PLXDC2: variants seen among roughly 807,000 people sequenced by gnomAD.
The protein encoded by PLXDC2 is plexin domain containing 2.
A neutral mutation model predicts 68.9 loss-of-function variants in PLXDC2; 40 were observed. The observed-to-expected ratio is 0.58, with a 90% CI of 0.45 to 0.76. The LOEUF is 0.76. Ranked by LOEUF, PLXDC2 falls within the 30% of genes least tolerant of loss-of-function variation. The pLI is 0.00. For missense variants in PLXDC2, 644 were observed against 661.9 expected, an observed-to-expected ratio of 0.97 and a Z score of 0.30; for synonymous variants, 243 against 234.2, an observed-to-expected ratio of 1.04 and a Z score of -0.34.
intron 1 of PLXDC2, among the ~76,000 whole-genome samples, chr10:19,970,267 T>G (rs1241109451): frequency 2.0e-5 from 3 of 152,266 alleles, no homozygotes; most frequent in African/African-American, 7.2e-5. Flanking sequence ...ACAAAAACTT[T>G]CTGGTCATCA....
chr10:20,124,099 A>G lies in PLXDC2; in HGVS notation c.542-19196A>G, dbSNP rs1232618306. On this transcript the variant is annotated intron_variant, in intron 4 of 13. Coordinates refer to ENST00000377252, the MANE Select transcript of PLXDC2 (RefSeq NM_032812.9). ...AGAAAAGCGGAACTTGCCGCTAAGG[A>G]TGAAGGACAAAGGCAGGTGTCCCTG... Among the ~76,000 whole-genome samples the G allele has an allele frequency of 1.6e-4, 25 of 152,024 alleles. 1 individual carries two copies. The highest frequency in any genetic ancestry group is 1.6e-3 in the Admixed American group (25 of 15,258).
chr10:20,134,710 G>T (rs1833912664), intron 4 of PLXDC2, among the ~76,000 whole-genome samples: 1 of 152,156 alleles, frequency 6.6e-6, no homozygotes. Flanking sequence ...AAACTACTTT[G>T]TACCGGGTGC....
chr10:19,906,001 A>G (rs929287742), intron 1 of PLXDC2, among the ~76,000 whole-genome samples: 10 of 152,040 alleles, frequency 6.6e-5, no homozygotes, highest in African/African-American at 2.4e-4. Flanking sequence ...AATAGTGGAA[A>G]AAAAAAAACA....
chr10:20,124,799 A>G (rs1014378454), intron 4 of PLXDC2, among the ~76,000 whole-genome samples: 3 of 151,064 alleles, frequency 2.0e-5, no homozygotes, highest in Non-Finnish European at 2.9e-5. Flanking sequence ...CATTGTCATC[A>G]GTTAAGGCAG....
chr10:19,854,677 T>G (rs182142248), intron 1 of PLXDC2, among the ~76,000 whole-genome samples: 1 of 152,354 alleles, frequency 6.6e-6, no homozygotes, highest in East Asian at 1.9e-4. Flanking sequence ...TGTCTTTTAG[T>G]TGCAATTCCA....
chr10:19,976,646 A>G (rs1834461024), intron 1 of PLXDC2, among the ~76,000 whole-genome samples: 1 of 152,174 alleles, frequency 6.6e-6, no homozygotes. Flanking sequence ...CTTTCATTGC[A>G]GAGCACCCAA....
At chr10:20,021,703 T>TTATTTATTTATTTATC (rs1835312866) in intron 2 of PLXDC2, among the ~76,000 whole-genome samples, 1 of 149,554 alleles carries the variant, frequency 6.7e-6, no homozygotes, top group Admixed American at 6.7e-5. Flanking sequence ...ATTTATTTAT[T>TTATTTATTTATTTATC]ATTTTTATTT....
intron 7 of PLXDC2, among the ~76,000 whole-genome samples, chr10:20,167,933 T>C (rs899779109): frequency 6.6e-6 from 1 of 152,120 alleles, no homozygotes; most frequent in Non-Finnish European, 1.5e-5. Context: ...AACAAAACAC[T>C]TGTTTTTCAG....
chr10:20,200,413 T>A (rs1834901335), intron 9 of PLXDC2, among the ~76,000 whole-genome samples: 1 of 152,068 alleles, frequency 6.6e-6, no homozygotes, highest in South Asian at 2.1e-4. Context: ...GTGTATTTTA[T>A]AAGGGTTAAA....
chr10:20,016,556 C>T (rs889459015), intron 2 of PLXDC2, among the ~76,000 whole-genome samples: 5 of 152,150 alleles, frequency 3.3e-5, no homozygotes, highest in Non-Finnish European at 7.3e-5. Context: ...AAAGAATACA[C>T]TGAAGAAAAA....
intron 1 of PLXDC2, among the ~76,000 whole-genome samples, chr10:19,964,524 C>A (rs1207014226): frequency 6.6e-6 from 1 of 152,018 alleles, no homozygotes; most frequent in African/African-American, 2.4e-5. Flanking sequence ...AAAAACAATC[C>A]CTATAGGAAA....
chr10:20,103,377 A>G (rs1833447578), intron 4 of PLXDC2, among the ~76,000 whole-genome samples: 1 of 152,176 alleles, frequency 6.6e-6, no homozygotes, highest in Admixed American at 6.5e-5. Context: ...GGCCATGTAG[A>G]TGTCACTGCT....
chr10:19,906,104 G>A (rs1833152412), intron 1 of PLXDC2, among the ~76,000 whole-genome samples: 1 of 152,182 alleles, frequency 6.6e-6, no homozygotes, highest in African/African-American at 2.4e-5. Context: ...ACAGTAATGA[G>A]TGGTATGGAG....
intron 1 of PLXDC2, among the ~76,000 whole-genome samples, chr10:19,835,683 C>T (rs1836776103): frequency 6.6e-6 from 1 of 152,060 alleles, no homozygotes; most frequent in Non-Finnish European, 1.5e-5. Flanking sequence ...GAATGGGCCC[C>T]CAGGCGGGAG....
chr10:19,889,973 T>G (rs989418911), intron 1 of PLXDC2, among the ~76,000 whole-genome samples: 6 of 152,190 alleles, frequency 3.9e-5, no homozygotes, highest in African/African-American at 1.4e-4. Context: ...ACAGGTAGAA[T>G]AAGTAGCAGA....
chr10:20,259,349 C>T (rs547474228), intron 13 of PLXDC2, among the ~76,000 whole-genome samples: 2 of 152,234 alleles, frequency 1.3e-5, no homozygotes, highest in South Asian at 4.1e-4. Flanking sequence ...GTCCTTGTCC[C>T]TTAAATGTCA....
At chr10:20,190,289 G>A (rs1385497941) in intron 9 of PLXDC2, among the ~76,000 whole-genome samples, 7 of 151,734 alleles carry the variant, frequency 4.6e-5, no homozygotes, top group African/African-American at 1.7e-4. Context: ...CATTCCTTTA[G>A]CTTGCTTGCA....
chr10:19,843,965 A>C (rs1271036661), intron 1 of PLXDC2, among the ~76,000 whole-genome samples: 2 of 152,178 alleles, frequency 1.3e-5, no homozygotes, highest in Non-Finnish European at 2.9e-5. Context: ...TAAACAGTGA[A>C]GGTGATGGGT....
At chr10:20,027,738 A>G (rs1783266404) in intron 2 of PLXDC2, among the ~76,000 whole-genome samples, 1 of 151,720 alleles carries the variant, frequency 6.6e-6, no homozygotes, top group Admixed American at 6.6e-5. Flanking sequence ...TCAATGCAGC[A>G]GAAACCACAA....
Sources: gnomAD v4.1 joint callset for allele counts (sites outside exome capture counted in the v4.1 genomes callset) on GRCh38, gnomAD v4.1.1 for gene constraint, MANE v1.5 for transcripts, NCBI Gene and HGNC (gene_info 2026-07-23, HGNC 2026-07-21) for gene names.